Variants in TSPAN13 observed in about 807,000 individuals in gnomAD.
TSPAN13 encodes tetraspanin-13.
TSPAN13 carries 18 observed loss-of-function variants against 26.9 expected under a neutral mutation model. That is an observed-to-expected ratio of 0.67 (90% CI 0.46 to 0.99). TSPAN13 has a LOEUF of 0.99. Ranked by LOEUF, TSPAN13 falls within the 50% of genes least tolerant of loss-of-function variation. TSPAN13 has a pLI of 0.00. For synonymous variants in TSPAN13, 116 were observed against 98.4 expected, an observed-to-expected ratio of 1.18 and a Z score of -1.06; for missense variants, 201 against 249.6, an observed-to-expected ratio of 0.81 and a Z score of 1.31.
At chr7:16,778,076 C>G (rs542636365) in intron 4 of TSPAN13, among the ~76,000 whole-genome samples, 165 bp downstream of exon 4, 3 of 152,302 alleles carry the variant, frequency 2.0e-5, no homozygotes, top group Admixed American at 1.3e-4. Context: ...TGCCTGTTCT[C>G]AAATACCCAC....
chr7:16,779,655 T>C (rs1356964260), intron 5 of TSPAN13, among the ~76,000 whole-genome samples: 1 of 152,062 alleles, frequency 6.6e-6, no homozygotes, highest in African/African-American at 2.4e-5. Flanking sequence ...ACAATATTTA[T>C]GTATGTGTAT....
chr7:16,757,507 C>CA (rs35359693), intron 1 of TSPAN13, among the ~76,000 whole-genome samples: 1 of 151,354 alleles, frequency 6.6e-6, no homozygotes, highest in African/African-American at 2.4e-5. Flanking sequence ...AACAAACAAC[C>CA]AAAAAAAAGG....
At chr7:16,765,444 G>C (rs1392730709) in intron 1 of TSPAN13, among the ~76,000 whole-genome samples, 7 of 152,098 alleles carry the variant, frequency 4.6e-5, no homozygotes, top group African/African-American at 1.7e-4. Context: ...GCACCTTCCT[G>C]TTTATTCCCC....
intron 1 of TSPAN13, among the ~76,000 whole-genome samples, chr7:16,764,085 T>C (rs1202036969): frequency 6.6e-6 from 1 of 152,166 alleles, no homozygotes; most frequent in Non-Finnish European, 1.5e-5. Flanking sequence ...TGGCGCAGTC[T>C]TGACTCACCG....
intron 1 of TSPAN13, among the ~76,000 whole-genome samples, chr7:16,766,485 A>T (rs930180618): frequency 5.3e-5 from 8 of 152,230 alleles, no homozygotes; most frequent in African/African-American, 1.9e-4. Flanking sequence ...TTTTGAAACC[A>T]TCTGAGTGTG....
At chr7:16,779,694 T>C (rs767204034) in intron 5 of TSPAN13, among the ~76,000 whole-genome samples, 9 of 151,980 alleles carry the variant, frequency 5.9e-5, no homozygotes, top group Admixed American at 1.3e-4. Context: ...AAGTTCAGTT[T>C]CTTTTTTTCT....
intron 1 of TSPAN13, among the ~76,000 whole-genome samples, chr7:16,757,775 C>T (rs931096781): frequency 1.1e-4 from 16 of 152,128 alleles, no homozygotes; most frequent in African/African-American, 3.9e-4. Context: ...TACTGAATTA[C>T]TTCATAAACA....
intron 1 of TSPAN13, among the ~76,000 whole-genome samples, chr7:16,755,307 C>T (rs1463386602): frequency 6.6e-6 from 1 of 152,142 alleles, no homozygotes; most frequent in East Asian, 1.9e-4. Flanking sequence ...AACATGACTG[C>T]AAGCTTTGAA....
intron 1 of TSPAN13, among the ~76,000 whole-genome samples, chr7:16,766,698 T>C (rs1654295390): frequency 1.3e-5 from 2 of 152,216 alleles, no homozygotes; most frequent in Non-Finnish European, 2.9e-5. Context: ...TGAGAATGTC[T>C]AGATTTAAGT....
At chr7:16,765,146 A>C (rs1339101393) in intron 1 of TSPAN13, among the ~76,000 whole-genome samples, 2 of 152,136 alleles carry the variant, frequency 1.3e-5, no homozygotes, top group Non-Finnish European at 2.9e-5. Context: ...TCTGTTGCCC[A>C]GGCTGGAGTG....
At chr7:16,758,731 C>A (rs552825412) in intron 1 of TSPAN13, among the ~76,000 whole-genome samples, 115 of 150,524 alleles carry the variant, frequency 7.6e-4, no homozygotes, top group African/African-American at 2.7e-3. Context: ...ACTGTAGAAT[C>A]GAATATTTCT....
chr7:16,771,087 G>A (rs922610889), intron 1 of TSPAN13, among the ~76,000 whole-genome samples: 15 of 152,134 alleles, frequency 9.9e-5, no homozygotes, highest in Non-Finnish European at 1.2e-4. Flanking sequence ...TTCCCGTTAG[G>A]GACTGTTCTG....
At chr7:16,769,104 G>T (rs547859394) in intron 1 of TSPAN13, among the ~76,000 whole-genome samples, 43 of 152,246 alleles carry the variant, frequency 2.8e-4, no homozygotes, top group African/African-American at 8.9e-4. Context: ...AGGATTACAC[G>T]CATGAGCCAC....
At chr7:16,765,522 C>CG (rs1265528960) in intron 1 of TSPAN13, among the ~76,000 whole-genome samples, 17 of 152,140 alleles carry the variant, frequency 1.1e-4, no homozygotes, top group African/African-American at 3.4e-4. Flanking sequence ...GGCGTTTACT[C>CG]GGGGGAGAAA....
chr7:16,767,212 C>G (rs1209620548), intron 1 of TSPAN13, among the ~76,000 whole-genome samples: 1 of 152,210 alleles, frequency 6.6e-6, no homozygotes, highest in African/African-American at 2.4e-5. Context: ...GTTCTGAAAT[C>G]AAGATCTGTC....
chr7:16,777,378 G>A (rs1784762967), intron 3 of TSPAN13, among the ~76,000 whole-genome samples: 2 of 152,080 alleles, frequency 1.3e-5, no homozygotes, highest in Admixed American at 1.3e-4. Flanking sequence ...GCTAAAAGAT[G>A]TTCCCCCAAT....
chr7:16,754,033 G>C lies in TSPAN13; in HGVS notation c.63+3G>C, dbSNP rs773971603. 6.2e-7 allele frequency: 1 copy of C among 1,613,678 alleles called. No individual in the cohort carries two copies. Among genetic ancestry groups the C allele is most frequent in the African/African-American group, 1.3e-5 (1 of 75,018 alleles). On this transcript the variant is annotated splice_donor_region_variant and intron_variant, in intron 1 of 5. Coordinates refer to ENST00000262067, the MANE Select transcript of TSPAN13 (RefSeq NM_014399.4). ...GCGCCCTCAACCTGCTTTACACCGTGAGTATCCCCAGTCCGTTCCTGCTCG... is the reference window on the plus strand; with the variant it reads ...GCGCCCTCAACCTGCTTTACACCGTCAGTATCCCCAGTCCGTTCCTGCTCG...
intron 1 of TSPAN13, among the ~76,000 whole-genome samples, chr7:16,759,140 A>T (rs1420022823): frequency 6.6e-6 from 1 of 152,212 alleles, no homozygotes; most frequent in East Asian, 1.9e-4. Flanking sequence ...GGATGGGTAC[A>T]CAGCTTCACA....
intron 1 of TSPAN13, among the ~76,000 whole-genome samples, chr7:16,767,433 C>T (rs1333910478): frequency 6.6e-6 from 1 of 152,138 alleles, no homozygotes; most frequent in East Asian, 1.9e-4. Context: ...TGTGTGATCA[C>T]ACCAGAGTCT....
Sources: allele counts gnomAD v4.1 joint callset (sites outside exome capture counted in the v4.1 genomes callset), GRCh38; gene constraint gnomAD v4.1.1; transcripts MANE v1.5; gene names NCBI Gene and HGNC (gene_info 2026-07-23, HGNC 2026-07-21).